YEATS2: variants seen among roughly 807,000 people sequenced by gnomAD.
YEATS2 encodes YEATS domain-containing protein 2.
In YEATS2, 77 loss-of-function variants were observed where a neutral mutation model predicts 163.2. The observed-to-expected ratio is 0.47, with a 90% CI of 0.39 to 0.57. YEATS2 has a LOEUF of 0.57. YEATS2 is among the 20% of genes least tolerant of loss of function. The pLI, the probability that YEATS2 is intolerant of heterozygous loss-of-function variation, is 0.00. For synonymous variants in YEATS2, 631 were observed against 645.1 expected (o/e 0.98, Z 0.33); for missense variants, 1,549 against 1,729.8 (o/e 0.90, Z 1.85).
chr3:183,752,373 C>A, intron 10 of YEATS2, 120 bp downstream of exon 10: 1 of 1,224,698 alleles, frequency 8.2e-7, no homozygotes, highest in Non-Finnish European at 1.1e-6. Context: ...GCTGCCTCTA[C>A]TACACAGTTC....
Position 183,756,293 on chromosome 3 carries a change from C to T in YEATS2, c.1391-235C>T, listed in dbSNP as rs76277195. On this transcript the variant is annotated intron_variant, in intron 11 of 30. Transcript: ENST00000305135. ...TAAAATCTGTTTCTTACAATTTCCT[C>T]GATGATACTGATGCTGTTGATCCAT... 7.7e-3 allele frequency among the ~76,000 whole-genome samples: 1,166 copies of T among 152,186 alleles called. 9 individuals are homozygous for T. The highest frequency in any genetic ancestry group is 0.027 in the African/African-American group (1,113 of 41,528).
intron 8 of YEATS2, among the ~76,000 whole-genome samples, chr3:183,737,943 C>T (rs2109173654): frequency 6.6e-6 from 1 of 152,238 alleles, no homozygotes; most frequent in African/African-American, 2.4e-5. Context: ...ACATCATGTG[C>T]TCATTTTTGT....
rs775907559 is a variant in YEATS2 at position 183,717,726 on chromosome 3, A to G, written c.176A>G (p.His59Arg). ...GCTCTTGAAATGAAGAATAAGGAAC[A>G]TGAAATTGAAGTCATTGACCAGGTA... ...QFALEMKNKE[H>R]EIEVIDQRLI... Residue 59 changes from histidine to arginine, a missense_variant, in exon 3 of 31, where the codon CAT (histidine) becomes CGT (arginine). Physicochemically the swap from His to Arg is conservative, Grantham distance 29. Coordinates refer to ENST00000305135, the MANE Select transcript of YEATS2 (RefSeq NM_018023.5). The G allele has an allele frequency of 1.9e-6, 3 of 1,557,768 alleles. No individual in the cohort carries two copies. Among genetic ancestry groups the G allele is most frequent in the South Asian group, 1.3e-5 (1 of 79,498 alleles).
In YEATS2 at chr3:183,697,870, T is replaced by TGCGGGGGTCGCTGGGGCCTTGTG. The variant is rs1417598423; in HGVS notation, c.-136_-114dup. On this transcript the variant is annotated 5_prime_UTR_variant, in exon 1 of 31. Transcript: ENST00000305135. ...CACCGCGCCGTGTGCTTCCGCAGGT[T>TGCGGGGGTCGCTGGGGCCTTGTG]GCGGGGGTCGCTGGGGCCTTGTGGC... 1 of 151,208 alleles carries TGCGGGGGTCGCTGGGGCCTTGTG rather than the reference T, an allele frequency of 6.6e-6. No homozygotes were observed. Among genetic ancestry groups the TGCGGGGGTCGCTGGGGCCTTGTG allele is most frequent in the Non-Finnish European group, 1.5e-5 (1 of 67,748 alleles). The allele number at this position is 151,208 out of a possible 1,614,324, so 9.4% of individuals were successfully genotyped here.
chr3:183,713,436 G>T (rs1715477451), intron 1 of YEATS2, among the ~76,000 whole-genome samples: 1 of 152,082 alleles, frequency 6.6e-6, no homozygotes, highest in South Asian at 2.1e-4. Context: ...GGTGGTGCAT[G>T]CCTGTAATCT....
intron 1 of YEATS2, among the ~76,000 whole-genome samples, chr3:183,710,000 G>A (rs1715030186): frequency 6.6e-6 from 1 of 152,066 alleles, no homozygotes; most frequent in African/African-American, 2.4e-5. Context: ...AGTTTAAATT[G>A]GAGAAATGGA....
intron 2 of YEATS2, among the ~76,000 whole-genome samples, chr3:183,716,885 A>G (rs1036839353): frequency 2.7e-5 from 4 of 150,430 alleles, no homozygotes; most frequent in Non-Finnish European, 4.4e-5. Context: ...TTCTCTTTGC[A>G]TATGTTATTT....
At chr3:183,797,011 G>A (rs1000243770) in intron 21 of YEATS2, among the ~76,000 whole-genome samples, 63 of 152,264 alleles carry the variant, frequency 4.1e-4, no homozygotes, top group African/African-American at 1.5e-3. Context: ...GCTCACGCCT[G>A]TAATCCCAGC....
intron 20 of YEATS2, among the ~76,000 whole-genome samples, chr3:183,787,989 C>T (rs1317181745): frequency 3.9e-5 from 6 of 151,914 alleles, no homozygotes; most frequent in Non-Finnish European, 8.8e-5. Flanking sequence ...GACAGTAGAG[C>T]GAGATTCCAT....
chr3:183,712,522 T>A (rs1328144192), intron 1 of YEATS2, among the ~76,000 whole-genome samples: 1 of 152,022 alleles, frequency 6.6e-6, no homozygotes, highest in Non-Finnish European at 1.5e-5. Context: ...AATTTTATTT[T>A]AAAACATGTT....
In YEATS2 at chr3:183,715,241, C is replaced by T; in HGVS notation, c.79C>T (p.His27Tyr). ...DVSVALPNKR[H>Y]KAIENSARDA... ...ATCTGTGGCCCTTCCAAATAAGCGG[C>T]ATAAAGCAATTGAGAATTCAGGTAG... The change falls in exon 2 of 31, where the codon CAT becomes TAT. Residue 27 changes from histidine (H) to tyrosine (Y), a missense_variant. His to Tyr is a moderately conservative substitution (Grantham distance 83). Transcript: ENST00000305135. 6.2e-7 allele frequency: 1 copy of T among 1,609,214 alleles called. No individual in the cohort carries two copies. The highest frequency in any genetic ancestry group is 1.7e-4 in the Middle Eastern group (1 of 6,056).
chr3:183,710,410 CAT>C (rs1715079162), intron 1 of YEATS2, among the ~76,000 whole-genome samples: 2 of 152,330 alleles, frequency 1.3e-5, no homozygotes, highest in South Asian at 2.1e-4. Context: ...TTGCATGTGA[CAT>C]GTGCACATTA....
intron 10 of YEATS2, among the ~76,000 whole-genome samples, chr3:183,753,861 T>C (rs563326883): frequency 6.6e-6 from 1 of 152,316 alleles, no homozygotes; most frequent in African/African-American, 2.4e-5. Context: ...TGGAGGAACA[T>C]AAGAACTTTT....
Position 183,721,998 on chromosome 3 carries a change from A to G in YEATS2, c.399A>G (p.Pro133=). The G allele has an allele frequency of 1.2e-6, 2 of 1,614,198 alleles. No individual in the cohort carries two copies. Among genetic ancestry groups the G allele is most frequent in the Non-Finnish European group, 1.7e-6 (2 of 1,180,034 alleles). Residue 133 remains proline (P), a synonymous_variant, in exon 5 of 31, where the codon CCA becomes CCG. Coordinates refer to ENST00000305135, the MANE Select transcript of YEATS2 (RefSeq NM_018023.5). ...SSPANQRAET[P]SANHSESDSL... is the part of the protein sequence containing the mutation. ...CTGCCAATCAGAGAGCAGAAACACC[A>G]TCAGCCAATCATTCAGAAAGTGATT...
rs181847447 is a variant in YEATS2 at position 183,800,079 on chromosome 3, A to C, written c.3326-387A>C. Among the ~76,000 whole-genome samples the C allele has an allele frequency of 7.5e-3, 1,143 of 151,798 alleles. 9 individuals are homozygous for C. The highest frequency in any genetic ancestry group is 0.026 in the African/African-American group (1,095 of 41,408). ...GATCTCCTGACCTCGTGATCCGCCC[A>C]CCTCGGCCTCCCAAAGTGCTGGGAT... is the stretch of plus-strand genomic sequence containing the variant. On this transcript the variant is annotated intron_variant, in intron 23 of 30. Transcript: ENST00000305135.
intron 29 of YEATS2, among the ~76,000 whole-genome samples, chr3:183,808,343 T>G (rs1211697103): frequency 2.0e-5 from 3 of 152,010 alleles, no homozygotes; most frequent in African/African-American, 7.3e-5. Context: ...ATTCTGGGGG[T>G]GGTGGTCAGT....
intron 1 of YEATS2, among the ~76,000 whole-genome samples, chr3:183,702,687 A>C (rs1714222184): frequency 6.6e-6 from 1 of 151,450 alleles, no homozygotes; most frequent in South Asian, 2.1e-4. Flanking sequence ...AAATACAAAA[A>C]AATTAGACGT....
chr3:183,749,813 G>GTTTA (rs1241326792), intron 9 of YEATS2, among the ~76,000 whole-genome samples: 2 of 151,488 alleles, frequency 1.3e-5, no homozygotes, highest in Admixed American at 6.6e-5. Flanking sequence ...TTACTTACTC[G>GTTTA]TTTATTTATT....
At chr3:183,764,368 TAAAAAA>T (rs11452949) in intron 15 of YEATS2, among the ~76,000 whole-genome samples, 14 of 105,228 alleles carry the variant, frequency 1.3e-4, no homozygotes, top group Admixed American at 4.7e-4. Context: ...AAACTCTGTT[TAAAAAA>T]AAAAAAAAAA....
Sources: gnomAD v4.1 joint callset for allele counts (sites outside exome capture counted in the v4.1 genomes callset) on GRCh38, gnomAD v4.1.1 for gene constraint, MANE v1.5 for transcripts, NCBI Gene and HGNC (gene_info 2026-07-23, HGNC 2026-07-21) for gene names.